BTBD10: variants seen among roughly 807,000 people sequenced by gnomAD.
BTBD10 encodes BTB/POZ domain-containing protein 10.
Under a neutral mutation model 53.2 loss-of-function variants are expected in BTBD10, and 21 were observed. The ratio of observed to expected loss-of-function variants is 0.39; its 90% CI spans 0.28 to 0.57. BTBD10 has a LOEUF of 0.57. Ranked by LOEUF, BTBD10 falls within the 20% of genes least tolerant of loss-of-function variation. The pLI, the probability that BTBD10 is intolerant of heterozygous loss-of-function variation, is 0.53. For missense variants in BTBD10, 360 were observed against 594.7 expected (o/e 0.61, Z 4.10); for synonymous variants, 149 against 192.7 (o/e 0.77, Z 1.88).
chr11:13,423,641 G>A (rs555075742), intron 2 of BTBD10, among the ~76,000 whole-genome samples: 5 of 152,208 alleles, frequency 3.3e-5, no homozygotes, highest in Admixed American at 1.3e-4. Context: ...AACCACACGA[G>A]TTAAAATCTA....
intron 8 of BTBD10, 97 bp downstream of exon 8, chr11:13,403,071 C>A: frequency 1.3e-6 from 1 of 777,896 alleles, no homozygotes; most frequent in Admixed American, 2.9e-5. Flanking sequence ...CAGAGTTTTT[C>A]TCAAAGTATT....
intron 8 of BTBD10, among the ~76,000 whole-genome samples, chr11:13,394,543 T>A (rs1290734875): frequency 6.6e-6 from 1 of 152,184 alleles, no homozygotes; most frequent in African/African-American, 2.4e-5. Context: ...GTAGTTCTTT[T>A]TATTTTTTTA....
intron 2 of BTBD10, among the ~76,000 whole-genome samples, chr11:13,441,711 GAACAA>G (rs552543174): frequency 1.3e-4 from 20 of 151,962 alleles, no homozygotes; most frequent in African/African-American, 3.4e-4. Context: ...AACATAAATA[GAACAA>G]AACAAAACAC....
Position 13,445,115 on chromosome 11 carries a change from GTCC to G in BTBD10, c.7_9del (p.Gly3del). 6.2e-7 allele frequency: 1 copy of G among 1,612,442 alleles called. No homozygotes were observed. The highest frequency in any genetic ancestry group is 1.1e-5 in the South Asian group (1 of 91,008). ...GAGTTACCATCATAGGGATGAGGCC[GTCC>G]TGCCATCCCACTCCAAGCTTCCTCA... On this transcript the variant is annotated inframe_deletion, in exon 2 of 9. Coordinates refer to ENST00000278174, the MANE Select transcript of BTBD10 (RefSeq NM_032320.7).
chr11:13,460,350 C>T (rs879422475), intron 1 of BTBD10, among the ~76,000 whole-genome samples: 2 of 152,158 alleles, frequency 1.3e-5, no homozygotes, highest in Non-Finnish European at 2.9e-5. Context: ...CTCTCTCACC[C>T]TTATCCCAAG....
intron 8 of BTBD10, among the ~76,000 whole-genome samples, chr11:13,401,976 A>G (rs1298879632): frequency 6.6e-6 from 1 of 152,136 alleles, no homozygotes; most frequent in Admixed American, 6.5e-5. Flanking sequence ...GTCTAGAACC[A>G]TTTTTGTCAC....
At chr11:13,399,617 G>C (rs188771410) in intron 8 of BTBD10, among the ~76,000 whole-genome samples, 8 of 152,282 alleles carry the variant, frequency 5.3e-5, no homozygotes, top group African/African-American at 1.9e-4. Flanking sequence ...GAGGAGGAGA[G>C]GCGCTCTGAT....
At chr11:13,395,305 T>C (rs374779698) in intron 8 of BTBD10, among the ~76,000 whole-genome samples, 1 of 152,120 alleles carries the variant, frequency 6.6e-6, no homozygotes, top group Admixed American at 6.6e-5. Flanking sequence ...GATGATGAGC[T>C]TTTTTTCATG....
chr11:13,430,424 T>C (rs1412288383), intron 2 of BTBD10, among the ~76,000 whole-genome samples: 2 of 152,158 alleles, frequency 1.3e-5, no homozygotes, highest in Non-Finnish European at 2.9e-5. Flanking sequence ...GTGGTAGGAA[T>C]GGAAAATGGT....
chr11:13,405,949 A>G, intron 6 of BTBD10, 93 bp from the exon 7 acceptor site: 1 of 1,159,056 alleles, frequency 8.6e-7, no homozygotes, highest in East Asian at 2.5e-5. Context: ...AAGGCCAGGC[A>G]GCCTACATAG....
At chr11:13,393,826 T>G (rs1406883841) in intron 8 of BTBD10, among the ~76,000 whole-genome samples, 1 of 152,174 alleles carries the variant, frequency 6.6e-6, no homozygotes, top group Non-Finnish European at 1.5e-5. Context: ...CAGACTCAAA[T>G]CACACAGACT....
intron 8 of BTBD10, among the ~76,000 whole-genome samples, chr11:13,394,946 T>C (rs1180280429): frequency 2.6e-5 from 4 of 151,562 alleles, no homozygotes; most frequent in African/African-American, 7.3e-5. Context: ...CTATCATTGT[T>C]GGACATTTGG....
chr11:13,400,287 G>C (rs1162895191), intron 8 of BTBD10, among the ~76,000 whole-genome samples: 1 of 152,196 alleles, frequency 6.6e-6, no homozygotes, highest in Non-Finnish European at 1.5e-5. Context: ...CTTGCAGTTT[G>C]ATCTCAGACT....
intron 2 of BTBD10, among the ~76,000 whole-genome samples, chr11:13,432,910 C>G (rs1055878190): frequency 6.6e-6 from 1 of 151,932 alleles, no homozygotes; most frequent in Admixed American, 6.6e-5. Flanking sequence ...GAGGGGAGCA[C>G]ATTTTCAAGG....
At chr11:13,451,507 T>C (rs1300651915) in intron 1 of BTBD10, among the ~76,000 whole-genome samples, 5 of 152,134 alleles carry the variant, frequency 3.3e-5, no homozygotes, top group Non-Finnish European at 7.4e-5. Context: ...CCCTTTGCCC[T>C]GACCCCCAGG....
chr11:13,458,135 C>CAAAAAAA (rs35036994), intron 1 of BTBD10, among the ~76,000 whole-genome samples: 1 of 62,896 alleles, frequency 1.6e-5, no homozygotes, highest in Non-Finnish European at 3.3e-5. Context: ...GACTCCATCT[C>CAAAAAAA]AAAAAAAAAA....
At chr11:13,458,959 A>G (rs1377191896) in intron 1 of BTBD10, among the ~76,000 whole-genome samples, 1 of 152,162 alleles carries the variant, frequency 6.6e-6, no homozygotes, top group African/African-American at 2.4e-5. Flanking sequence ...CCCAAAAACA[A>G]GAAAATCATA....
At chr11:13,452,529 T>C (rs1470227171) in intron 1 of BTBD10, among the ~76,000 whole-genome samples, 1 of 152,206 alleles carries the variant, frequency 6.6e-6, no homozygotes, top group African/African-American at 2.4e-5. Context: ...CAAGGCATAA[T>C]GAAACCACTT....
At chr11:13,393,475 A>G (rs1211301835) in intron 8 of BTBD10, among the ~76,000 whole-genome samples, 1 of 152,062 alleles carries the variant, frequency 6.6e-6, no homozygotes, top group Non-Finnish European at 1.5e-5. Context: ...CGGAAATCTC[A>G]ATTTTTTTTC....
Sources: gnomAD v4.1 joint callset for allele counts (sites outside exome capture counted in the v4.1 genomes callset) on GRCh38, gnomAD v4.1.1 for gene constraint, MANE v1.5 for transcripts, NCBI Gene and HGNC (gene_info 2026-07-23, HGNC 2026-07-21) for gene names.